BNC2: variants seen among roughly 807,000 people sequenced by gnomAD.
BNC2 encodes basonuclin zinc finger protein 2, also known as zinc finger protein basonuclin-2.
A neutral mutation model predicts 76.3 loss-of-function variants in BNC2; 20 were observed. The ratio of observed to expected loss-of-function variants is 0.26; its 90% CI spans 0.18 to 0.38. BNC2 has a LOEUF of 0.38. BNC2 is among the 10% of genes least tolerant of loss of function. The pLI, the probability that BNC2 is intolerant of heterozygous loss-of-function variation, is 1.00. For synonymous variants in BNC2, 582 were observed against 514.8 expected (o/e 1.13, Z -1.77); for missense variants, 1,382 against 1,399.8 (o/e 0.99, Z 0.20).
At chr9:16,586,798 G>C (rs1587203408) in intron 3 of BNC2, among the ~76,000 whole-genome samples, 1 of 152,272 alleles carries the variant, frequency 6.6e-6, no homozygotes, top group African/African-American at 2.4e-5. Context: ...TCAAGGACTT[G>C]ATAGTTTGGG....
chr9:16,639,953 AT>A (rs1821443430), intron 3 of BNC2, among the ~76,000 whole-genome samples: 1 of 152,150 alleles, frequency 6.6e-6, no homozygotes, highest in African/African-American at 2.4e-5. Flanking sequence ...AGTGGATTAC[AT>A]TTTTTCCCCC....
intron 3 of BNC2, among the ~76,000 whole-genome samples, chr9:16,602,307 AT>A (rs1412263592): frequency 6.6e-6 from 1 of 152,202 alleles, no homozygotes; most frequent in Non-Finnish European, 1.5e-5. Flanking sequence ...TATTTATTGT[AT>A]TTACTACTAA....
intron 4 of BNC2, among the ~76,000 whole-genome samples, chr9:16,561,251 AC>A (rs1270189282): frequency 6.6e-6 from 1 of 151,784 alleles, no homozygotes; most frequent in African/African-American, 2.4e-5. Flanking sequence ...AAAAAAAAAA[AC>A]AAAACCCACA....
At chr9:16,467,069 A>G (rs1821709308) in intron 5 of BNC2, among the ~76,000 whole-genome samples, 1 of 17,956 alleles carries the variant, frequency 5.6e-5, no homozygotes, top group African/African-American at 2.8e-4. Context: ...CAGCCAAAAA[A>G]CACATGAAGA....
chr9:16,594,396 T>C (rs1252023309), intron 3 of BNC2, among the ~76,000 whole-genome samples: 2 of 152,172 alleles, frequency 1.3e-5, no homozygotes, highest in African/African-American at 2.4e-5. Context: ...AAGGAGTTCC[T>C]CTAAATCTTT....
At chr9:16,642,932 T>C (rs1431601047) in intron 3 of BNC2, among the ~76,000 whole-genome samples, 3 of 152,148 alleles carry the variant, frequency 2.0e-5, no homozygotes, top group Non-Finnish European at 4.4e-5. Context: ...ACAAGTTACT[T>C]TCTCTTTGGG....
intron 5 of BNC2, among the ~76,000 whole-genome samples, chr9:16,520,488 G>A (rs545358775): frequency 6.6e-6 from 1 of 152,302 alleles, no homozygotes; most frequent in East Asian, 1.9e-4. Flanking sequence ...AATATTGCAG[G>A]TAGTTGCATG....
At chr9:16,560,034 T>C (rs144820849) in intron 4 of BNC2, among the ~76,000 whole-genome samples, 3 of 152,308 alleles carry the variant, frequency 2.0e-5, no homozygotes, top group East Asian at 3.9e-4. Context: ...CTACTGTAGG[T>C]AGACGGAACT....
At chr9:16,714,141 C>A (rs940939665) in intron 3 of BNC2, among the ~76,000 whole-genome samples, 19 of 152,186 alleles carry the variant, frequency 1.2e-4, no homozygotes, top group African/African-American at 3.9e-4. Context: ...ATGTCTGCCA[C>A]CCACTTCGTC....
At position 16,412,279 on chromosome 9, in the gene BNC2, T is replaced by C. The variant is rs137942384; in HGVS notation, c.*6710A>G. On this transcript the variant is annotated 3_prime_UTR_variant, in exon 7 of 7. Coordinates refer to ENST00000380672, the MANE Select transcript of BNC2 (RefSeq NM_017637.6). ...TTACACTATGGATTTGGAGGGGTCA[T>C]TGAAAGATGCATTTGTACACCTACG... The C allele has an allele frequency of 3.9e-5, 6 of 152,714 alleles. 1 individual carries two copies. In the East Asian group the frequency reaches 9.7e-4, roughly 25 times the overall value. 9.5% of individuals were successfully genotyped at this position (152,714 alleles called of 1,614,324 possible).
intron 5 of BNC2, among the ~76,000 whole-genome samples, chr9:16,530,414 C>T (rs1008051816): frequency 1.5e-4 from 23 of 152,174 alleles, no homozygotes; most frequent in African/African-American, 4.8e-4. Context: ...ACATTTCACC[C>T]CCTTCATGAG....
chr9:16,538,427 G>A (rs1818195202), intron 5 of BNC2, among the ~76,000 whole-genome samples: 1 of 152,084 alleles, frequency 6.6e-6, no homozygotes. Context: ...CTCCCCACGT[G>A]GCACTGGCAA....
intron 1 of BNC2, among the ~76,000 whole-genome samples, chr9:16,803,913 A>C (rs1817843832): frequency 6.6e-6 from 1 of 152,188 alleles, no homozygotes; most frequent in African/African-American, 2.4e-5. Context: ...TCGTCAAGGG[A>C]AGACTATGGC....
intron 5 of BNC2, chr9:16,473,330 A>G (rs1821863408): frequency 6.6e-6 from 1 of 152,224 alleles, no homozygotes; most frequent in African/African-American, 2.4e-5. Flanking sequence ...TTCTAACAAG[A>G]AACAAACCGG....
intron 1 of BNC2, among the ~76,000 whole-genome samples, chr9:16,777,873 C>G (rs1826013389): frequency 6.6e-6 from 1 of 152,100 alleles, no homozygotes; most frequent in Admixed American, 6.6e-5. Context: ...ATGGAATTCT[C>G]TGAGACCGGA....
intron 1 of BNC2, among the ~76,000 whole-genome samples, chr9:16,835,930 G>A (rs1268471074): frequency 3.3e-5 from 5 of 152,144 alleles, no homozygotes; most frequent in South Asian, 2.1e-4. Context: ...CAACTGCAGG[G>A]AGTCTTCAGT....
chr9:16,638,782 T>C (rs1406737704), intron 3 of BNC2, among the ~76,000 whole-genome samples: 1 of 152,186 alleles, frequency 6.6e-6, no homozygotes, highest in Non-Finnish European at 1.5e-5. Flanking sequence ...TGTTTCCTTC[T>C]CTCCATTTAT....
In BNC2 at chr9:16,750,058, C is replaced by G. The variant is rs965765555; in HGVS notation, c.4-11573G>C. On this transcript the variant is annotated intron_variant, in intron 1 of 6. Transcript: ENST00000380672. ...TAGACACTAATAGGAAATGGACAGC[C>G]CATCACAGAGCATGAGGACCTAAAC... is the stretch of plus-strand genomic sequence containing the variant. Among the ~76,000 whole-genome samples the G allele has an allele frequency of 1.5e-4, 23 of 152,032 alleles. 1 individual carries two copies. Among genetic ancestry groups the G allele is most frequent in the African/African-American group, 4.4e-4 (18 of 41,366 alleles).
At chr9:16,665,417 A>G (rs61519500) in intron 3 of BNC2, among the ~76,000 whole-genome samples, 6,548 of 126,008 alleles carry the variant, frequency 0.052, 479 homozygotes, top group East Asian at 0.27. Flanking sequence ...AGAGAAAAGA[A>G]AGGAAAGAAA....
Sources: allele counts gnomAD v4.1 joint callset (sites outside exome capture counted in the v4.1 genomes callset), GRCh38; gene constraint gnomAD v4.1.1; transcripts MANE v1.5; gene names NCBI Gene and HGNC (gene_info 2026-07-23, HGNC 2026-07-21).